Variants in RBM6 observed in about 807,000 individuals in gnomAD.
RBM6 encodes RNA binding motif protein 6, also known as RNA-binding protein 6.
In RBM6, 23 loss-of-function variants were observed where a neutral mutation model predicts 140.4. The ratio of observed to expected loss-of-function variants is 0.16; its 90% CI spans 0.12 to 0.23. RBM6 has a LOEUF of 0.23. RBM6 is among the 10% of genes least tolerant of loss of function. The pLI, the probability that RBM6 is intolerant of heterozygous loss-of-function variation, is 1.00. For missense variants in RBM6, 1,139 were observed against 1,386.7 expected (o/e 0.82, Z 2.84); for synonymous variants, 439 against 475.6 (o/e 0.92, Z 1.00).
At chr3:50,034,907 C>T (rs1170199498) in intron 6 of RBM6, among the ~76,000 whole-genome samples, 1 of 152,094 alleles carries the variant, frequency 6.6e-6, no homozygotes, top group Non-Finnish European at 1.5e-5. Context: ...GCTTCTTTGT[C>T]CCTTTCACTA....
chr3:49,971,317 C>T (rs2084783124), intron 3 of RBM6, among the ~76,000 whole-genome samples: 2 of 139,668 alleles, frequency 1.4e-5, no homozygotes, highest in South Asian at 2.3e-4. Flanking sequence ...TGGAGGTGGG[C>T]GCCTGTAATC....
At chr3:49,965,782 A>T (rs1172334768) in intron 2 of RBM6, among the ~76,000 whole-genome samples, 1 of 152,106 alleles carries the variant, frequency 6.6e-6, no homozygotes, top group Admixed American at 6.6e-5. Flanking sequence ...AAATCCATTA[A>T]ATGTACATCA....
At chr3:50,017,957 C>T (rs1266932562) in intron 6 of RBM6, among the ~76,000 whole-genome samples, 2 of 152,122 alleles carry the variant, frequency 1.3e-5, no homozygotes, top group Non-Finnish European at 1.5e-5. Context: ...TCCCTGCCAC[C>T]CTTCTCCCAA....
intron 11 of RBM6, 99 bp from the exon 12 acceptor site, chr3:50,060,857 A>T: frequency 3.0e-6 from 4 of 1,320,558 alleles, no homozygotes. Context: ...TCCCTGCAAA[A>T]TGAGGAACAG....
At chr3:50,035,307 C>T (rs901005356) in intron 6 of RBM6, among the ~76,000 whole-genome samples, 8 of 152,034 alleles carry the variant, frequency 5.3e-5, no homozygotes, top group African/African-American at 1.7e-4. Context: ...AAGACAAGTG[C>T]ACCAACACAT....
intron 6 of RBM6, among the ~76,000 whole-genome samples, chr3:50,041,422 C>T (rs2088910082): frequency 6.6e-6 from 1 of 152,282 alleles, no homozygotes; most frequent in South Asian, 2.1e-4. Flanking sequence ...TCCATCTCCT[C>T]CTTCCCTCTT....
intron 7 of RBM6, among the ~76,000 whole-genome samples, chr3:50,051,892 GA>G (rs2089482436): frequency 6.6e-6 from 1 of 152,172 alleles, no homozygotes; most frequent in Admixed American, 6.6e-5. Context: ...GCCAGACACA[GA>G]AGACCATACA....
chr3:49,973,584 C>CTTT (rs1226088993), intron 4 of RBM6, among the ~76,000 whole-genome samples: 20 of 131,334 alleles, frequency 1.5e-4, no homozygotes, highest in Non-Finnish European at 3.1e-4. Flanking sequence ...TTCTGCTTTT[C>CTTT]TTTTTTTTTT....
At chr3:50,014,581 G>A (rs777475039) in intron 6 of RBM6, among the ~76,000 whole-genome samples, 1 of 152,116 alleles carries the variant, frequency 6.6e-6, no homozygotes, top group Non-Finnish European at 1.5e-5. Context: ...TGAATCTATT[G>A]GATCATCTTT....
chr3:50,041,507 A>G (rs778917436), intron 6 of RBM6, among the ~76,000 whole-genome samples: 6 of 152,222 alleles, frequency 3.9e-5, no homozygotes, highest in Non-Finnish European at 8.8e-5. Flanking sequence ...TCCTTGTACC[A>G]TAAAGAATGA....
chr3:50,063,524 G>T (rs2090015115), intron 15 of RBM6, among the ~76,000 whole-genome samples: 1 of 151,348 alleles, frequency 6.6e-6, no homozygotes, highest in East Asian at 2.0e-4. Flanking sequence ...GATCGCTTGA[G>T]CCCAGGAGAT....
At chr3:49,943,311 A>T (rs1199362948) in intron 1 of RBM6, among the ~76,000 whole-genome samples, 4 of 150,048 alleles carry the variant, frequency 2.7e-5, no homozygotes, top group Non-Finnish European at 5.9e-5. Flanking sequence ...TATTTTATTT[A>T]TTTTTTTTTG....
intron 5 of RBM6, among the ~76,000 whole-genome samples, chr3:49,986,760 TC>T (rs775554032): frequency 3.0e-5 from 4 of 133,482 alleles, no homozygotes; most frequent in Non-Finnish European, 6.4e-5. Context: ...TCCCTTCCCC[TC>T]CCCTCCCCTC....
chr3:49,995,643 T>C (rs2086048590), intron 5 of RBM6, among the ~76,000 whole-genome samples: 1 of 152,156 alleles, frequency 6.6e-6, no homozygotes, highest in Non-Finnish European at 1.5e-5. Flanking sequence ...AATAGTCATA[T>C]AAATAAGCAC....
chr3:50,061,304 G>T, intron 13 of RBM6, 83 bp downstream of exon 13: 1 of 1,604,092 alleles, frequency 6.2e-7, no homozygotes, highest in Non-Finnish European at 8.5e-7. Context: ...ATCACAGTTG[G>T]CAAGATACAC....
intron 6 of RBM6, among the ~76,000 whole-genome samples, chr3:50,009,806 C>G (rs1050052243): frequency 2.0e-5 from 3 of 152,084 alleles, no homozygotes; most frequent in Non-Finnish European, 4.4e-5. Flanking sequence ...CTCAAGCAGT[C>G]CTGCCTCAGA....
At chr3:49,968,795 T>C (rs1185397265) in intron 3 of RBM6, 47 bp downstream of exon 3, 15 of 1,237,920 alleles carry the variant, frequency 1.2e-5, no homozygotes, top group Non-Finnish European at 1.5e-5. Context: ...TTTTTTTTTT[T>C]TTTGAGACGG....
chr3:50,054,673 C>T (rs1447931131), intron 8 of RBM6, among the ~76,000 whole-genome samples: 3 of 151,788 alleles, frequency 2.0e-5, no homozygotes, highest in Non-Finnish European at 4.4e-5. Flanking sequence ...GCCCTGTAGC[C>T]CGGCTAATTT....
At chr3:50,074,306 T>C (rs931034531) in intron 19 of RBM6, among the ~76,000 whole-genome samples, 1 of 152,004 alleles carries the variant, frequency 6.6e-6, no homozygotes, top group African/African-American at 2.4e-5. Flanking sequence ...TTCAGAGTTT[T>C]CGTTCCTTCT....
Sources: allele counts gnomAD v4.1 joint callset (sites outside exome capture counted in the v4.1 genomes callset), GRCh38; gene constraint gnomAD v4.1.1; transcripts MANE v1.5; gene names NCBI Gene and HGNC (gene_info 2026-07-23, HGNC 2026-07-21).